TMEM168: variants seen among roughly 807,000 people sequenced by gnomAD.
The protein encoded by TMEM168 is transmembrane protein 168.
A neutral mutation model predicts 53.2 loss-of-function variants in TMEM168; 40 were observed. That is an observed-to-expected ratio of 0.75 (90% CI 0.58 to 0.98). TMEM168 has a LOEUF of 0.98. Ranked by LOEUF, TMEM168 falls within the 50% of genes least tolerant of loss-of-function variation. The pLI, the probability that TMEM168 is intolerant of heterozygous loss-of-function variation, is 0.00. For synonymous variants in TMEM168, 282 were observed against 293.0 expected (o/e 0.96, Z 0.38); for missense variants, 771 against 828.8 (o/e 0.93, Z 0.86).
At chr7:112,775,057 G>A (rs1379304767) in intron 3 of TMEM168, 119 bp downstream of exon 3, 6 of 818,798 alleles carry the variant, frequency 7.3e-6, no homozygotes, top group Admixed American at 4.0e-5. Context: ...AAATTTGGAA[G>A]AAATGCACAA....
At position 112,783,915 on chromosome 7, in the gene TMEM168, A is replaced by C. The variant is rs765584890; in HGVS notation, c.911T>G (p.Phe304Cys). Residue 304 changes from phenylalanine to cysteine, a missense_variant, in exon 2 of 5, where the codon TTC becomes TGC. By Grantham distance (205) the Phe-to-Cys change is radical (BLOSUM62 -2). Transcript: ENST00000312814. ...AAAAATAATATGACAAATCATCCAG[A>C]AAATTCCAAAAATGGAAAAGCCAGG... is the stretch of plus-strand genomic sequence containing the variant. ...VIPGFSIFGI[F>C]WMICHIIFLL... 1.3e-6 allele frequency: 2 copies of C among 1,597,470 alleles called. No homozygotes were observed. Among genetic ancestry groups the C allele is most frequent in the East Asian group, 4.5e-5 (2 of 44,790 alleles).
rs1244068265 is a variant in TMEM168 at position 112,784,430 on chromosome 7, C to T, written c.396G>A (p.Val132=). The change falls in exon 2 of 5, where the codon GTG becomes GTA. Residue 132 remains valine, a synonymous_variant. Transcript: ENST00000312814. ...CCACCAGAGAGCACAATATCCTTAA[C>T]ACTATGGATGTTAGAAGCAAATATT... ...STKYLLLTSI[V]LRILCSLVER... is the part of the protein sequence containing the mutation. The T allele has an allele frequency of 1.2e-6, 2 of 1,613,934 alleles. No homozygotes were observed.
chr7:112,767,278 C>T lies in TMEM168; in HGVS notation c.2013G>A (p.Arg671=), dbSNP rs565941758. The T allele has an allele frequency of 5.0e-6, 8 of 1,614,126 alleles. No individual in the cohort carries two copies. In the African/African-American group the frequency reaches 9.3e-5, roughly 19 times the overall value. The change falls in exon 5 of 5, where the codon AGG becomes AGA. Residue 671 remains arginine, a synonymous_variant. Coordinates refer to ENST00000312814, the MANE Select transcript of TMEM168 (RefSeq NM_022484.6). ...AACTCATTTTTAATCTTTTCAAGCA[C>T]CTAAAACAAGTTTTGCAGATCCAAA... The part of the protein sequence containing the change: ...NLFWICKTCF[R]CLKRLKMSWF...
chr7:112,784,708 C>T lies in TMEM168; in HGVS notation c.118G>A (p.Ala40Thr). The T allele has an allele frequency of 1.9e-6, 3 of 1,613,982 alleles. No individual in the cohort carries two copies. The highest frequency in any genetic ancestry group is 2.5e-6 in the Non-Finnish European group (3 of 1,179,978). Residue 40 changes from alanine (A) to threonine (T), a missense_variant, in exon 2 of 5, where the codon GCC (alanine) becomes ACC (threonine). Coordinates refer to ENST00000312814, the MANE Select transcript of TMEM168 (RefSeq NM_022484.6). ...ATAGCAACCAATAAATTGATTCTGGCTAAATAGCCAAGATACCGCACTGAA... is the reference window on the plus strand; with the variant it reads ...ATAGCAACCAATAAATTGATTCTGGTTAAATAGCCAAGATACCGCACTGAA... Reference protein sequence around the residue: ...HSSVRYLGYLARINLLVAICL... With the variant: ...HSSVRYLGYLTRINLLVAICL...
chr7:112,775,234 T>TA lies in TMEM168; in HGVS notation c.1212dup (p.Asn405Ter). ...CCAACAGATGTTCCTCCTAAACAGTTACCCAATTCATGGAAGAGCCCATGA... is the reference window on the plus strand; with the variant it reads ...CCAACAGATGTTCCTCCTAAACAGTTAACCCAATTCATGGAAGAGCCCATGA... On this transcript the variant is annotated frameshift_variant, in exon 3 of 5. Transcript: ENST00000312814. LOFTEE classifies it high-confidence loss of function. The TA allele has an allele frequency of 2.5e-6, 4 of 1,613,842 alleles. No homozygotes were observed. The highest frequency in any genetic ancestry group is 3.4e-6 in the Non-Finnish European group (4 of 1,179,898).
At chr7:112,773,117 A>G (rs1032377753) in intron 3 of TMEM168, 62 bp from the exon 4 acceptor site, 161 of 1,485,670 alleles carry the variant, frequency 1.1e-4, no homozygotes, top group Non-Finnish European at 1.4e-5. Context: ...TGTCATTTGT[A>G]ACTGATTATC....
rs1317356940 is a variant in TMEM168, at chr7:112,783,951, T to C, written c.875A>G (p.Tyr292Cys). Residue 292 changes from tyrosine to cysteine, a missense_variant, in exon 2 of 5, where the codon TAT (tyrosine) becomes TGT (cysteine). Tyr to Cys is a radical substitution (Grantham distance 194). Transcript: ENST00000312814. ...AATGGAAAAGCCAGGTATTACAAAATACCAGAGGTGAGTGTCTCTAAGTTT... is the reference window on the plus strand; with the variant it reads ...AATGGAAAAGCCAGGTATTACAAAACACCAGAGGTGAGTGTCTCTAAGTTT... ...AFKLRDTHLW[Y>C]FVIPGFSIFG... 1.2e-6 allele frequency: 2 copies of C among 1,610,140 alleles called. No individual in the cohort carries two copies. The highest frequency in any genetic ancestry group is 1.7e-6 in the Non-Finnish European group (2 of 1,179,218).
At chr7:112,774,359 ATTTTT>A (rs558123531) in intron 3 of TMEM168, among the ~76,000 whole-genome samples, 2 of 94,252 alleles carry the variant, frequency 2.1e-5, no homozygotes, top group Admixed American at 1.2e-4. Flanking sequence ...GTGTTTTTAC[ATTTTT>A]TTTTTTTTTT....
chr7:112,767,480 CA>C lies in TMEM168; in HGVS notation c.1810del (p.Cys604AlafsTer9). ...CACTGTGCGTCCCTTTTCAGTCCAG[CA>C]GATGTTATTACTGGAGTTGCAGTTA... ...EYNCNSSNNI[C>X]WTEKGRTVKA... On this transcript the variant is annotated frameshift_variant, in exon 5 of 5. Coordinates refer to ENST00000312814, the MANE Select transcript of TMEM168 (RefSeq NM_022484.6). LOFTEE classifies it high-confidence loss of function. 1 of 1,614,148 alleles carries C rather than the reference CA, an allele frequency of 6.2e-7. No individual in the cohort carries two copies.
In TMEM168 at chr7:112,764,483, C is replaced by T. The variant is rs1349882305; in HGVS notation, c.*2714G>A. 1 of 151,412 alleles carries T rather than the reference C, an allele frequency of 6.6e-6. No individual in the cohort carries two copies. The highest frequency in any genetic ancestry group is 1.5e-5 in the Non-Finnish European group (1 of 67,894). 9.4% of individuals were successfully genotyped at this position (151,412 alleles called of 1,614,324 possible). A position where few individuals can be genotyped will look rare whatever the true frequency, so the allele number is the denominator to read the frequency against. On this transcript the variant is annotated 3_prime_UTR_variant, in exon 5 of 5. Coordinates refer to ENST00000312814, the MANE Select transcript of TMEM168 (RefSeq NM_022484.6). ...CTTCTTGTAATATTTCTTTTCTACA[C>T]CCTTATTATTTTTTTTGTTTGTTTC...
intron 1 of TMEM168, among the ~76,000 whole-genome samples, chr7:112,788,288 T>C (rs1323528732): frequency 6.6e-6 from 1 of 152,202 alleles, no homozygotes; most frequent in African/African-American, 2.4e-5. Flanking sequence ...TTATTATCTC[T>C]CTACTTAAGT....
In TMEM168 at chr7:112,775,598, G is replaced by A. The variant is rs369687910; in HGVS notation, c.1129-280C>T. On this transcript the variant is annotated intron_variant, in intron 2 of 4. Coordinates refer to ENST00000312814, the MANE Select transcript of TMEM168 (RefSeq NM_022484.6). Reference sequence around the variant, plus strand: ...TTGTCAAATAACATCCTATCCAGACGAGAAAAAAAAAAAAAACAAAACAAA... The same window carrying A: ...TTGTCAAATAACATCCTATCCAGACAAGAAAAAAAAAAAAAACAAAACAAA... Among the ~76,000 whole-genome samples the A allele has an allele frequency of 3.2e-3, 437 of 136,544 alleles. 1 individual carries two copies. The highest frequency in any genetic ancestry group is 0.011 in the African/African-American group (403 of 35,146). 89.6% of individuals were successfully genotyped at this position (136,544 alleles called of 152,430 possible). A position where few individuals can be genotyped will look rare whatever the true frequency, so the allele number is the denominator to read the frequency against.
intron 2 of TMEM168, among the ~76,000 whole-genome samples, chr7:112,780,373 A>T (rs532091294): frequency 2.4e-4 from 36 of 152,300 alleles, no homozygotes; most frequent in Non-Finnish European, 4.7e-4. Flanking sequence ...GTTAACACAA[A>T]CCCTTGTCTA....
chr7:112,771,007 C>T (rs1792917976), intron 4 of TMEM168, among the ~76,000 whole-genome samples: 1 of 152,090 alleles, frequency 6.6e-6, no homozygotes, highest in African/African-American at 2.4e-5. Flanking sequence ...TGACTAAAAG[C>T]TTTCTCTTGT....
At position 112,784,613 on chromosome 7, in the gene TMEM168, A is replaced by C; in HGVS notation, c.213T>G (p.Gly71=). 2 of 1,612,258 alleles carry C rather than the reference A, an allele frequency of 1.2e-6. No homozygotes were observed. Among genetic ancestry groups the C allele is most frequent in the Non-Finnish European group, 1.7e-6 (2 of 1,179,510 alleles). ...TGCTGGCGATTCCAAGAACAAAAAG[A>C]CCAAGAATAAAAATTACCAAAATTA... is the stretch of plus-strand genomic sequence containing the variant. ...NSLILVIFIL[G]LFVLGIASIL... is the part of the protein sequence containing the mutation. Residue 71 remains glycine, a synonymous_variant, in exon 2 of 5, where the codon GGT becomes GGG. Transcript: ENST00000312814.
At chr7:112,779,103 C>G (rs2116274581) in intron 2 of TMEM168, among the ~76,000 whole-genome samples, 1 of 152,186 alleles carries the variant, frequency 6.6e-6, no homozygotes, top group South Asian at 2.1e-4. Flanking sequence ...GTTGCCCAGG[C>G]TGGTCTCAAA....
chr7:112,780,817 G>A (rs1165097493), intron 2 of TMEM168, among the ~76,000 whole-genome samples: 1 of 152,050 alleles, frequency 6.6e-6, no homozygotes, highest in Non-Finnish European at 1.5e-5. Flanking sequence ...CGGAAAACAG[G>A]TTGCCAAGTA....
intron 3 of TMEM168, among the ~76,000 whole-genome samples, chr7:112,774,763 T>C (rs941358033): frequency 2.0e-5 from 3 of 151,892 alleles, no homozygotes; most frequent in African/African-American, 7.3e-5. Flanking sequence ...GTATTTTCAG[T>C]AGAGATGGGG....
At chr7:112,786,543 T>C (rs1431627484) in intron 1 of TMEM168, among the ~76,000 whole-genome samples, 1 of 152,236 alleles carries the variant, frequency 6.6e-6, no homozygotes, top group Non-Finnish European at 1.5e-5. Context: ...TGGTATATTT[T>C]GGTTTATCTT....
Sources: gnomAD v4.1 joint callset for allele counts (sites outside exome capture counted in the v4.1 genomes callset) on GRCh38, gnomAD v4.1.1 for gene constraint, MANE v1.5 for transcripts, NCBI Gene and HGNC (gene_info 2026-07-23, HGNC 2026-07-21) for gene names.